ARSF: variants seen among roughly 807,000 people sequenced by gnomAD.
The protein encoded by ARSF is arylsulfatase F.
Under a neutral mutation model 35.4 loss-of-function variants are expected in ARSF, and 33 were observed. That is an observed-to-expected ratio of 0.93 (90% CI 0.71 to 1.25). The LOEUF is 1.25. ARSF is among the 50% of genes most tolerant of loss of function. ARSF has a pLI of 0.00. For missense variants in ARSF, 501 were observed against 480.2 expected, an observed-to-expected ratio of 1.04 and a Z score of -0.40; for synonymous variants, 222 against 193.1, an observed-to-expected ratio of 1.15 and a Z score of -1.24.
Position 3,084,451 on chromosome X carries a change from T to C in ARSF, c.615T>C (p.Phe205=). 8.3e-7 allele frequency: 1 copy of C among 1,211,698 alleles called. No homozygotes were observed. The highest frequency in any genetic ancestry group is 1.8e-5 in the South Asian group (1 of 56,973). ...LVAIAILTLT[F]GKLSGWVSVP... Reference sequence around the variant, plus strand: ...CCATTGCCATCCTCACCCTAACCTTTGGGAAGCTGAGCGGCTGGGTCTCTG... The same window carrying C: ...CCATTGCCATCCTCACCCTAACCTTCGGGAAGCTGAGCGGCTGGGTCTCTG... The change falls in exon 6 of 11, where the codon TTT becomes TTC. Residue 205 remains phenylalanine (F), a synonymous_variant. Coordinates refer to ENST00000381127, the MANE Select transcript of ARSF (RefSeq NM_001201539.2).
chrX:3,097,966 C>T (rs1304077913), intron 7 of ARSF, among the ~76,000 whole-genome samples: 1 of 107,836 alleles, frequency 9.3e-6, no homozygotes, highest in African/African-American at 3.4e-5. Flanking sequence ...GAGCTGAGAT[C>T]GTGCCATTGC....
At chrX:3,090,550 C>A (rs1028127659) in intron 7 of ARSF, among the ~76,000 whole-genome samples, 2 of 111,862 alleles carry the variant, frequency 1.8e-5, no homozygotes, top group Admixed American at 1.9e-4. Flanking sequence ...TGCCTGTAGT[C>A]CCAGCTACTT....
At chrX:3,052,329 T>C (rs991972298) in intron 1 of ARSF, among the ~76,000 whole-genome samples, 15 of 112,319 alleles carry the variant, frequency 1.3e-4, no homozygotes, top group Admixed American at 1.2e-3. Context: ...ACACTTGCAA[T>C]ACTTCATTTA....
At chrX:3,093,542 G>C (rs1045722047) in intron 7 of ARSF, among the ~76,000 whole-genome samples, 4 of 111,873 alleles carry the variant, frequency 3.6e-5, no homozygotes, top group Non-Finnish European at 5.6e-5. Context: ...AATTTGCTTA[G>C]GACAATAGCC....
intron 1 of ARSF, among the ~76,000 whole-genome samples, chrX:3,061,193 A>G (rs956787802): frequency 3.6e-5 from 4 of 111,447 alleles, no homozygotes; most frequent in African/African-American, 1.3e-4. Context: ...TTTCATATCC[A>G]GCCATACTAA....
chrX:3,083,544 A>G (rs1351241815), intron 5 of ARSF, among the ~76,000 whole-genome samples: 2 of 108,699 alleles, frequency 1.8e-5, no homozygotes, highest in Non-Finnish European at 3.8e-5. Context: ...CCATCCATCC[A>G]TCCAACCACT....
intron 1 of ARSF, among the ~76,000 whole-genome samples, chrX:3,057,992 A>G (rs771836203): frequency 8.9e-6 from 1 of 111,902 alleles, no homozygotes; most frequent in African/African-American, 3.2e-5. Context: ...ATGACCTGTA[A>G]TAGGACTGTC....
rs139923989 is a variant in ARSF at position 3,072,078 on chromosome X, G to C, written c.64G>C (p.Ala22Pro). 2.5e-6 allele frequency: 3 copies of C among 1,200,988 alleles called. No individual in the cohort carries two copies. Among genetic ancestry groups the C allele is most frequent in the Non-Finnish European group, 3.4e-6 (3 of 893,362 alleles). ...GTGTGCACTCTTGAACACATGCCAG[G>C]CACACAGGGTGCATGACGACAAGCC... ...LVCALLNTCQ[A>P]HRVHDDKPNI... Residue 22 changes from alanine (A) to proline (P), a missense_variant, in exon 3 of 11, where the codon GCA (alanine) becomes CCA (proline). Transcript: ENST00000381127.
At chrX:3,082,440 A>T (rs2090208897) in intron 5 of ARSF, among the ~76,000 whole-genome samples, 1 of 111,476 alleles carries the variant, frequency 9.0e-6, no homozygotes, top group African/African-American at 3.3e-5. Flanking sequence ...TCTATCATTT[A>T]TCTATCATCT....
intron 7 of ARSF, among the ~76,000 whole-genome samples, chrX:3,094,029 T>G (rs1192884976): frequency 8.9e-6 from 1 of 111,965 alleles, no homozygotes; most frequent in East Asian, 2.8e-4. Flanking sequence ...CCTCAATTAC[T>G]TTTGCACCAA....
intron 6 of ARSF, among the ~76,000 whole-genome samples, chrX:3,088,480 C>T (rs777558816): frequency 1.4e-4 from 16 of 111,679 alleles, no homozygotes; most frequent in Non-Finnish European, 3.0e-4. Flanking sequence ...TACCAATACA[C>T]TGAGGCAGCA....
intron 9 of ARSF, among the ~76,000 whole-genome samples, chrX:3,106,726 A>T (rs1263951064): frequency 8.9e-6 from 1 of 112,755 alleles, no homozygotes; most frequent in East Asian, 2.8e-4. Context: ...ATAACCAGAG[A>T]TCCTGAACAA....
intron 9 of ARSF, among the ~76,000 whole-genome samples, chrX:3,107,381 A>C (rs1253322339): frequency 8.9e-6 from 1 of 111,769 alleles, no homozygotes; most frequent in Non-Finnish European, 1.9e-5. Flanking sequence ...TTAGTGGAGA[A>C]AAAAAGAAAA....
rs762340304 is a variant in ARSF at position 3,072,158 on chromosome X, C to T, written c.144C>T (p.Tyr48=). ...TGGGTATTGGAGATCTGGGCTGCTA[C>T]GGCAATGACACCATGAGGTAAGGCG... ...DDLGIGDLGC[Y]GNDTMRTPHI... The change falls in exon 3 of 11, where the codon TAC becomes TAT. Residue 48 remains tyrosine, a synonymous_variant. Coordinates refer to ENST00000381127, the MANE Select transcript of ARSF (RefSeq NM_001201539.2). 3.2e-5 allele frequency: 39 copies of T among 1,208,793 alleles called. No homozygotes were observed. Among genetic ancestry groups the T allele is most frequent in the Admixed American group, 8.8e-5 (4 of 45,609 alleles).
At chrX:3,073,391 G>A (rs189314702) in intron 3 of ARSF, among the ~76,000 whole-genome samples, 97 of 101,738 alleles carry the variant, frequency 9.5e-4, no homozygotes, top group Non-Finnish European at 1.7e-3. Context: ...GAGGTTCAGC[G>A]ACTTCTCCAA....
chrX:3,087,346 G>C (rs1230747412), intron 6 of ARSF, among the ~76,000 whole-genome samples: 1 of 111,507 alleles, frequency 9.0e-6, no homozygotes, highest in Non-Finnish European at 1.9e-5. Flanking sequence ...TAGGCTCTAG[G>C]GGAGGATTCT....
intron 3 of ARSF, 23 bp downstream of exon 3, chrX:3,072,198 C>T: frequency 8.3e-7 from 1 of 1,198,853 alleles, no homozygotes; most frequent in South Asian, 1.8e-5. Flanking sequence ...CATGGCCAGT[C>T]ATACGTTCGT....
chrX:3,102,058 A>G (rs1337828574), intron 8 of ARSF, among the ~76,000 whole-genome samples: 1 of 111,372 alleles, frequency 9.0e-6, no homozygotes, highest in African/African-American at 3.3e-5. Flanking sequence ...TACTCTTTAG[A>G]GCGTGTAGCA....
At chrX:3,049,450 G>A (rs747136295) in intron 1 of ARSF, among the ~76,000 whole-genome samples, 2 of 112,102 alleles carry the variant, frequency 1.8e-5, no homozygotes, top group South Asian at 3.7e-4. Flanking sequence ...TTTGTCTCAG[G>A]TGAGCAGAGA....
Sources: allele counts gnomAD v4.1 joint callset (sites outside exome capture counted in the v4.1 genomes callset), GRCh38; gene constraint gnomAD v4.1.1; transcripts MANE v1.5; gene names NCBI Gene and HGNC (gene_info 2026-07-23, HGNC 2026-07-21).